Variants in PIP5K1A observed in about 807,000 individuals in gnomAD.
PIP5K1A encodes the protein phosphatidylinositol-4-phosphate 5-kinase type 1 alpha, also known as phosphatidylinositol 4-phosphate 5-kinase type-1 alpha.
A neutral mutation model predicts 72.9 loss-of-function variants in PIP5K1A; 46 were observed. That is an observed-to-expected ratio of 0.63 (90% CI 0.50 to 0.81). The LOEUF (loss-of-function observed/expected upper bound fraction) is 0.81. Among genes scored for constraint, PIP5K1A ranks in the 30% least tolerant of loss-of-function variants. The probability of loss-of-function intolerance (pLI) is 0.00; values close to 1 mark genes in which losing one functional copy is unlikely to be tolerated. For synonymous variants in PIP5K1A, 228 were observed against 255.1 expected (o/e 0.89, Z 1.01); for missense variants, 458 against 706.1 (o/e 0.65, Z 3.98).
At chr1:151,246,769 A>G (rs1325185599) in intron 14 of PIP5K1A, 151 bp from the exon 15 acceptor site, 1 of 587,432 alleles carries the variant, frequency 1.7e-6, no homozygotes, top group East Asian at 2.9e-5. Flanking sequence ...GTGTGCTTCT[A>G]AATCTAGTAG....
chr1:151,232,768 C>G, intron 7 of PIP5K1A, 65 bp downstream of exon 7: 1 of 1,433,260 alleles, frequency 7.0e-7, no homozygotes. Flanking sequence ...GGGAGGCTGT[C>G]TTCAGCAGGG....
intron 14 of PIP5K1A, among the ~76,000 whole-genome samples, chr1:151,243,593 G>C (rs148063465): frequency 6.6e-6 from 1 of 152,284 alleles, no homozygotes; most frequent in East Asian, 1.9e-4. Flanking sequence ...ATAATTCTCC[G>C]TGGTTCTTGG....
chr1:151,206,480 C>T lies in PIP5K1A; in HGVS notation c.85+7399C>T, dbSNP rs143940661. Among the ~76,000 whole-genome samples the T allele has an allele frequency of 5.4e-4, 82 of 152,050 alleles. No homozygotes were observed. The East Asian group carries it at 0.013, about 24-fold the overall frequency. On this transcript the variant is annotated intron_variant, in intron 1 of 15. Transcript: ENST00000368888. ...AGGGGAGGTGAGCAAAGGAAGTTGG[C>T]GAGAGGGAATGAGAAGAGGGTTTTT...
At chr1:151,212,907 T>C (rs1376544745) in intron 1 of PIP5K1A, among the ~76,000 whole-genome samples, 4 of 150,172 alleles carry the variant, frequency 2.7e-5, no homozygotes, top group African/African-American at 9.9e-5. Context: ...TTTCTTTTTT[T>C]TGAGACAGAG....
At chr1:151,195,884 ATTTT>A (rs1157195462), upstream of PIP5K1A, among the ~76,000 whole-genome samples, 149 of 62,274 alleles carry the variant, frequency 2.4e-3, no homozygotes, top group South Asian at 5.3e-3. Flanking sequence ...ACACCAGCCG[ATTTT>A]TTTTTTTTTT....
At chr1:151,209,788 GAACTCCT>G (rs1351309254) in intron 1 of PIP5K1A, among the ~76,000 whole-genome samples, 2 of 151,858 alleles carry the variant, frequency 1.3e-5, no homozygotes. Flanking sequence ...GGCTGGTCTT[GAACTCCT>G]AATCCTAACC....
At position 151,208,658 on chromosome 1, in the gene PIP5K1A, C is replaced by T. The variant is rs188514757; in HGVS notation, c.85+9577C>T. Reference sequence around the variant, plus strand: ...ACAAGTGTGAGCCACTGCGTCCGGCCGTGGCTTGGTTTTCTTAATTTGCTT... The same window carrying T: ...ACAAGTGTGAGCCACTGCGTCCGGCTGTGGCTTGGTTTTCTTAATTTGCTT... On this transcript the variant is annotated intron_variant, in intron 1 of 15. Coordinates refer to ENST00000368888, the MANE Select transcript of PIP5K1A (RefSeq NM_001135638.2). 4.6e-3 allele frequency among the ~76,000 whole-genome samples: 669 copies of T among 145,092 alleles called. 6 individuals are homozygous for T. The highest frequency in any genetic ancestry group is 0.016 in the Middle Eastern group (4 of 246).
At chr1:151,219,564 C>T (rs906911429) in intron 1 of PIP5K1A, among the ~76,000 whole-genome samples, 4 of 151,354 alleles carry the variant, frequency 2.6e-5, no homozygotes, top group Admixed American at 6.6e-5. Flanking sequence ...TGTTGTGGTG[C>T]GTGCCTGTAA....
At position 151,198,608 on chromosome 1, in the gene PIP5K1A, T is replaced by G; in HGVS notation, c.-389T>G. 9.4e-6 allele frequency: 2 copies of G among 213,564 alleles called. No homozygotes were observed. The highest frequency in any genetic ancestry group is 1.1e-4 in the East Asian group (1 of 8,698). 13.2% of individuals were successfully genotyped at this position (213,564 alleles called of 1,614,324 possible). ...GCCGGGTTGGGCGATTAACAGGCCG[T>G]GGTTAGGAAGGACGGAGAAGGGGCG... is the stretch of plus-strand genomic sequence containing the variant. On this transcript the variant is annotated 5_prime_UTR_variant, in exon 1 of 16. Coordinates refer to ENST00000368888, the MANE Select transcript of PIP5K1A (RefSeq NM_001135638.2).
At position 151,248,391 on chromosome 1, in the gene PIP5K1A, C is replaced by CT. The variant is rs1350462316; in HGVS notation, c.*537dup. On this transcript the variant is annotated 3_prime_UTR_variant, in exon 16 of 16. Transcript: ENST00000368888. ...TTAACCACCTCCCAGCTTTCTTCTT[C>CT]TTTTTTTTTTTCTGAAAAAAGGAAA... is the stretch of plus-strand genomic sequence containing the variant. The CT allele has an allele frequency of 1.1e-3, 142 of 134,374 alleles. No individual in the cohort carries two copies. Among genetic ancestry groups the CT allele is most frequent in the South Asian group, 1.2e-3 (5 of 4,142 alleles). The allele number at this position is 134,374 out of a possible 1,614,324, so 8.3% of individuals were successfully genotyped here.
chr1:151,242,658 A>G, intron 14 of PIP5K1A, 91 bp downstream of exon 14: 2 of 1,122,426 alleles, frequency 1.8e-6, no homozygotes, highest in South Asian at 2.8e-5. Flanking sequence ...ATAATAAATT[A>G]CCCCAAAGAT....
chr1:151,246,871 T>A (rs1417327605), intron 14 of PIP5K1A, 49 bp from the exon 15 acceptor site: 1 of 1,393,404 alleles, frequency 7.2e-7, no homozygotes, highest in Non-Finnish European at 1.0e-6. Flanking sequence ...CCTTTGTTGT[T>A]GTCTTCTAAT....
intron 1 of PIP5K1A, among the ~76,000 whole-genome samples, chr1:151,201,692 C>T (rs1685235039): frequency 6.6e-6 from 1 of 151,894 alleles, no homozygotes; most frequent in Non-Finnish European, 1.5e-5. Context: ...AACCCCATCT[C>T]TACTAAAAAA....
chr1:151,210,190 G>GC (rs1161710381), intron 1 of PIP5K1A, among the ~76,000 whole-genome samples: 3 of 148,574 alleles, frequency 2.0e-5, no homozygotes, highest in African/African-American at 5.0e-5. Flanking sequence ...GCCCTCCCCG[G>GC]CCCCCCCACT....
chr1:151,244,182 A>G (rs1424961735), intron 14 of PIP5K1A, among the ~76,000 whole-genome samples: 2 of 146,348 alleles, frequency 1.4e-5, no homozygotes, highest in Non-Finnish European at 3.0e-5. Flanking sequence ...AAATACTGAA[A>G]AAAAAAAAAA....
chr1:151,212,922 G>T (rs1262508761), intron 1 of PIP5K1A, among the ~76,000 whole-genome samples: 1 of 129,086 alleles, frequency 7.7e-6, no homozygotes, highest in East Asian at 2.3e-4. Flanking sequence ...ACAGAGTCTC[G>T]CTCTGTCGCC....
intron 1 of PIP5K1A, among the ~76,000 whole-genome samples, chr1:151,219,845 T>A (rs1186238635): frequency 7.2e-6 from 1 of 138,396 alleles, no homozygotes; most frequent in Non-Finnish European, 1.5e-5. Flanking sequence ...CCTTACATAT[T>A]CTTTCCTTTT....
At position 151,249,202 on chromosome 1, in the gene PIP5K1A, C is replaced by G. The variant is rs1692881169; in HGVS notation, c.*1337C>G. On this transcript the variant is annotated 3_prime_UTR_variant, in exon 16 of 16. Transcript: ENST00000368888. ...CCTTGATAATATGTTAGCCCATACC[C>G]CAAATAACTGTCTATATTAGACACC... 6.6e-6 allele frequency: 1 copy of G among 152,114 alleles called. No homozygotes were observed. Among genetic ancestry groups the G allele is most frequent in the Non-Finnish European group, 1.5e-5 (1 of 68,024 alleles). The allele number at this position is 152,114 out of a possible 1,614,324, so 9.4% of individuals were successfully genotyped here. A position where few individuals can be genotyped will look rare whatever the true frequency, so the allele number is the denominator to read the frequency against.
chr1:151,237,681 T>C (rs753158372), intron 9 of PIP5K1A, among the ~76,000 whole-genome samples: 4 of 152,116 alleles, frequency 2.6e-5, no homozygotes, highest in East Asian at 1.9e-4. Context: ...AAAATTGTTA[T>C]AGACTTCTTT....
Sources: allele counts gnomAD v4.1 joint callset (sites outside exome capture counted in the v4.1 genomes callset), GRCh38; gene constraint gnomAD v4.1.1; transcripts MANE v1.5; gene names NCBI Gene and HGNC (gene_info 2026-07-23, HGNC 2026-07-21).